Variants in DHX30 observed in about 807,000 individuals in gnomAD.
The protein encoded by DHX30 is DExH-box helicase 30.
Under a neutral mutation model 116.9 loss-of-function variants are expected in DHX30, and 4 were observed. That is an observed-to-expected ratio of 0.03 (90% CI 0.02 to 0.08). The LOEUF (loss-of-function observed/expected upper bound fraction) is 0.08, where lower values mean the gene tolerates loss of function less well. Ranked by LOEUF, DHX30 falls within the 10% of genes least tolerant of loss-of-function variation. The probability of loss-of-function intolerance (pLI) is 1.00; values close to 1 mark genes in which losing one functional copy is unlikely to be tolerated. For missense variants in DHX30, 871 were observed against 1,595.1 expected (o/e 0.55, Z 7.73); for synonymous variants, 697 against 651.7 (o/e 1.07, Z -1.06).
chr3:47,806,982 C>A (rs1030491387), intron 2 of DHX30, among the ~76,000 whole-genome samples: 13 of 151,492 alleles, frequency 8.6e-5, no homozygotes, highest in African/African-American at 3.1e-4. Context: ...CTGAGGCGGG[C>A]GGATCACAAG....
chr3:47,841,444 C>T (rs1040316226), intron 7 of DHX30, among the ~76,000 whole-genome samples, 173 bp from the exon 8 acceptor site: 10 of 152,252 alleles, frequency 6.6e-5, no homozygotes, highest in African/African-American at 2.4e-4. Flanking sequence ...GAGCAGTCCC[C>T]ATGCAGTGTG....
intron 3 of DHX30, among the ~76,000 whole-genome samples, chr3:47,811,566 G>C (rs888531815): frequency 6.6e-6 from 1 of 152,154 alleles, no homozygotes; most frequent in African/African-American, 2.4e-5. Flanking sequence ...AAAAATACCT[G>C]AGACTGGGTA....
intron 6 of DHX30, among the ~76,000 whole-genome samples, chr3:47,838,949 C>G (rs1398702128): frequency 6.6e-6 from 1 of 152,102 alleles, no homozygotes. Context: ...TCATGGCTCA[C>G]TGCAGCCTCG....
intron 3 of DHX30, among the ~76,000 whole-genome samples, chr3:47,812,937 T>A (rs1318501604): frequency 6.8e-6 from 1 of 147,954 alleles, no homozygotes; most frequent in Admixed American, 6.8e-5. Flanking sequence ...AGTGTTGGGA[T>A]TACAGGCGTG....
intron 4 of DHX30, chr3:47,824,947 G>C: frequency 2.0e-6 from 1 of 493,344 alleles, no homozygotes; most frequent in South Asian, 3.0e-5. Context: ...GGTCCGCCCG[G>C]CCCGCAGGGG....
At position 47,849,305 on chromosome 3, in the gene DHX30, G is replaced by C; in HGVS notation, c.3043G>C (p.Val1015Leu). The C allele has an allele frequency of 6.2e-7, 1 of 1,614,112 alleles. No individual in the cohort carries two copies. Among genetic ancestry groups the C allele is most frequent in the Non-Finnish European group, 8.5e-7 (1 of 1,180,024 alleles). The change falls in exon 19 of 22, where the codon GTG becomes CTG. Residue 1015 changes from valine to leucine, a missense_variant. Physicochemically the swap from Val to Leu is conservative, Grantham distance 32. Transcript: ENST00000445061. Reference protein sequence around the residue: ...CNEYSEEEELVKGVLMAGLYP... With the variant: ...CNEYSEEEELLKGVLMAGLYP... ...CGAGTACAGTGAGGAGGAGGAGCTGGTGAAGGGCGTGCTGATGGCCGGCCT... is the reference window on the plus strand; with the variant it reads ...CGAGTACAGTGAGGAGGAGGAGCTGCTGAAGGGCGTGCTGATGGCCGGCCT...
intron 5 of DHX30, among the ~76,000 whole-genome samples, chr3:47,828,463 C>CAAAA (rs541910100): frequency 1.9e-5 from 1 of 52,176 alleles, no homozygotes; most frequent in African/African-American, 6.8e-5. Flanking sequence ...CTGTCCCCCA[C>CAAAA]AAAAAAAAAA....
intron 6 of DHX30, among the ~76,000 whole-genome samples, chr3:47,837,167 C>T (rs1461341907): frequency 6.6e-6 from 1 of 152,190 alleles, no homozygotes; most frequent in Non-Finnish European, 1.5e-5. Flanking sequence ...CAGACTCAGG[C>T]CAATGTGGCT....
chr3:47,803,215 G>C lies in DHX30; in HGVS notation c.-123+3G>C. The C allele has an allele frequency of 2.5e-6, 1 of 393,640 alleles. No homozygotes were observed. Among genetic ancestry groups the C allele is most frequent in the Non-Finnish European group, 4.5e-6 (1 of 222,704 alleles). The allele number at this position is 393,640 out of a possible 1,614,324, so 24.4% of individuals were successfully genotyped here. A position where few individuals can be genotyped will look rare whatever the true frequency, so the allele number is the denominator to read the frequency against. Reference sequence around the variant, plus strand: ...TTGTTTCACATCTGTAACAACAGGTGAATTGGGCTTTTTATTCTCCCCTTT... The same window carrying C: ...TTGTTTCACATCTGTAACAACAGGTCAATTGGGCTTTTTATTCTCCCCTTT... On this transcript the variant is annotated splice_donor_region_variant and intron_variant, in intron 1 of 21. Coordinates refer to ENST00000445061, the MANE Select transcript of DHX30 (RefSeq NM_138615.3).
intron 2 of DHX30, among the ~76,000 whole-genome samples, chr3:47,808,796 G>A (rs959742451): frequency 1.3e-5 from 2 of 150,756 alleles, no homozygotes; most frequent in African/African-American, 4.9e-5. Context: ...GGCTGGTCTC[G>A]AACTTCTGAC....
chr3:47,830,070 T>C (rs1160900095), intron 6 of DHX30, among the ~76,000 whole-genome samples: 3 of 151,538 alleles, frequency 2.0e-5, no homozygotes, highest in African/African-American at 7.3e-5. Context: ...GACTTTGTGA[T>C]CTGCCTACCT....
rs777314005 is a variant in DHX30, at chr3:47,849,367, G to A, written c.3087+18G>A. ...TCATCCAGGTGCTGCCTCTGGGAGG[G>A]AATGGAGTTCACCAGGTCCCAGCCT... On this transcript the variant is annotated intron_variant, in intron 19 of 21. Transcript: ENST00000445061. The A allele has an allele frequency of 1.2e-6, 2 of 1,603,982 alleles. No homozygotes were observed. The highest frequency in any genetic ancestry group is 4.5e-5 in the East Asian group (2 of 44,686).
chr3:47,816,578 G>C, intron 3 of DHX30: 3 of 972,380 alleles, frequency 3.1e-6, no homozygotes, highest in Non-Finnish European at 3.7e-6. Context: ...GGATGGTCTC[G>C]ATCTCTTGAC....
intron 1 of DHX30, among the ~76,000 whole-genome samples, chr3:47,804,321 G>A (rs2035426047): frequency 6.6e-6 from 1 of 152,156 alleles, no homozygotes; most frequent in Non-Finnish European, 1.5e-5. Flanking sequence ...TTGGGAGGCC[G>A]AGGCGGGTGG....
intron 6 of DHX30, among the ~76,000 whole-genome samples, chr3:47,834,065 G>A (rs577756437): frequency 1.3e-5 from 2 of 152,068 alleles, no homozygotes; most frequent in East Asian, 3.9e-4. Flanking sequence ...TGTGTATTCA[G>A]CTTATTTTAG....
chr3:47,836,179 G>A (rs1201453049), intron 6 of DHX30, among the ~76,000 whole-genome samples: 1 of 152,188 alleles, frequency 6.6e-6, no homozygotes, highest in Non-Finnish European at 1.5e-5. Context: ...GTGCAATGGT[G>A]CAATGGCGTG....
chr3:47,837,472 T>G (rs1002319651), intron 6 of DHX30, among the ~76,000 whole-genome samples: 4 of 152,116 alleles, frequency 2.6e-5, no homozygotes, highest in African/African-American at 9.7e-5. Context: ...GGAGGTTTCT[T>G]CAACGGTATT....
chr3:47,841,558 C>T, intron 7 of DHX30, 59 bp from the exon 8 acceptor site: 1 of 1,611,688 alleles, frequency 6.2e-7, no homozygotes, highest in Non-Finnish European at 8.5e-7. Context: ...ATCGCAGAGC[C>T]TCAGGGAAAT....
At chr3:47,842,595 T>TC (rs1437708964) in intron 8 of DHX30, 1 of 152,678 alleles carries the variant, frequency 6.5e-6, no homozygotes, top group Non-Finnish European at 1.5e-5. Context: ...TAAAAGTTAA[T>TC]CGAGCCCCTT....
Sources: gnomAD v4.1 joint callset for allele counts (sites outside exome capture counted in the v4.1 genomes callset) on GRCh38, gnomAD v4.1.1 for gene constraint, MANE v1.5 for transcripts, NCBI Gene and HGNC (gene_info 2026-07-23, HGNC 2026-07-21) for gene names.